SYNCRIP: variants seen among roughly 807,000 people sequenced by gnomAD.
The protein encoded by SYNCRIP is synaptotagmin binding cytoplasmic RNA interacting protein, also known as heterogeneous nuclear ribonucleoprotein Q.
Under a neutral mutation model 68.9 loss-of-function variants are expected in SYNCRIP, and 9 were observed. That is an observed-to-expected ratio of 0.13 (90% CI 0.08 to 0.23). The LOEUF is 0.23. SYNCRIP is among the 10% of genes least tolerant of loss of function. SYNCRIP has a pLI of 1.00. For synonymous variants in SYNCRIP, 258 were observed against 254.0 expected (o/e 1.02, Z -0.15); for missense variants, 414 against 770.6 (o/e 0.54, Z 5.48).
intron 6 of SYNCRIP, among the ~76,000 whole-genome samples, chr6:85,624,325 CTTGA>C (rs1806793457): frequency 6.6e-6 from 1 of 152,300 alleles, no homozygotes; most frequent in African/African-American, 2.4e-5. Flanking sequence ...AAATCCTTTA[CTTGA>C]TTAATTAGAA....
In SYNCRIP at chr6:85,631,569, TGGTACCTTAGACTAACTAG is replaced by T. The variant is rs1807795764; in HGVS notation, c.666+5379_666+5397del. Among the ~76,000 whole-genome samples, 3 of 152,288 alleles carry T rather than the reference TGGTACCTTAGACTAACTAG, an allele frequency of 2.0e-5. No homozygotes were observed. In the South Asian group the frequency reaches 6.2e-4, roughly 32 times the overall value. ...TCTTCAGTAGTCTGAATGGTACAAA[TGGTACCTTAGACTAACTAG>T]GGTAGTAGCAGCGAAGAAGATAAAA... On this transcript the variant is annotated intron_variant, in intron 6 of 10. Transcript: ENST00000369622.
chr6:85,613,472 C>CTTT (rs1156765320), downstream of SYNCRIP, among the ~76,000 whole-genome samples: 2 of 152,046 alleles, frequency 1.3e-5, no homozygotes, highest in African/African-American at 4.8e-5. Context: ...GCTGTTAAAC[C>CTTT]TTTTCACTGT....
chr6:85,637,466 C>A, intron 4 of SYNCRIP, 110 bp from the exon 5 acceptor site: 3 of 670,808 alleles, frequency 4.5e-6, no homozygotes, highest in East Asian at 2.8e-5. Context: ...TGGCATGTTC[C>A]CTTATAAAAA....
At chr6:85,623,583 A>AAAAAAAAAAAAAAAAC (rs1562087872) in intron 7 of SYNCRIP, among the ~76,000 whole-genome samples, 1 of 144,006 alleles carries the variant, frequency 6.9e-6, no homozygotes, top group African/African-American at 2.5e-5. Flanking sequence ...AAAAAAAAAA[A>AAAAAAAAAAAAAAAAC]CACTCTGCTA....
chr6:85,630,412 T>C (rs991047036), intron 6 of SYNCRIP, among the ~76,000 whole-genome samples: 1 of 152,228 alleles, frequency 6.6e-6, no homozygotes, highest in South Asian at 2.1e-4. Context: ...AGATTTCATC[T>C]ATTCCAATGC....
chr6:85,622,261 G>C (rs1806502921), intron 8 of SYNCRIP, among the ~76,000 whole-genome samples: 1 of 152,016 alleles, frequency 6.6e-6, no homozygotes, highest in African/African-American at 2.4e-5. Flanking sequence ...TGTAATTCCA[G>C]CTACTTGGGA....
chr6:85,636,644 T>G (rs1440029140), intron 6 of SYNCRIP, among the ~76,000 whole-genome samples: 1 of 152,150 alleles, frequency 6.6e-6, no homozygotes, highest in Non-Finnish European at 1.5e-5. Context: ...CCAGGAAGTA[T>G]GAGAGCTCTT....
chr6:85,642,390 G>C (rs574715495), intron 1 of SYNCRIP, among the ~76,000 whole-genome samples: 3 of 152,290 alleles, frequency 2.0e-5, no homozygotes, highest in African/African-American at 4.8e-5. Flanking sequence ...CCAGCAGCGT[G>C]AGGGCGTTCA....
chr6:85,632,936 G>A lies in SYNCRIP; in HGVS notation c.666+4031C>T, dbSNP rs554094583. Among the ~76,000 whole-genome samples, 177 of 150,406 alleles carry A rather than the reference G, an allele frequency of 1.2e-3. 1 individual carries two copies. The highest frequency in any genetic ancestry group is 4.0e-3 in the African/African-American group (162 of 40,886). ...GGCAACAGAGTGACAACCTGTCTCC[G>A]AAAACAGTAATAATAATTAAAACCG... is the stretch of plus-strand genomic sequence containing the variant. On this transcript the variant is annotated intron_variant, in intron 6 of 10. Coordinates refer to ENST00000369622, the MANE Select transcript of SYNCRIP (RefSeq NM_006372.5).
Position 85,618,802 on chromosome 6 carries a change from T to C in SYNCRIP, c.1280+16A>G, listed in dbSNP as rs769668676. The C allele has an allele frequency of 6.4e-7, 1 of 1,572,828 alleles. No homozygotes were observed. The highest frequency in any genetic ancestry group is 8.6e-7 in the Non-Finnish European group (1 of 1,157,298). On this transcript the variant is annotated intron_variant, in intron 10 of 10. Transcript: ENST00000369622. ...TTAAAATTTATACAATTTTTAAGTA[T>C]ACAAATTTCACTCACATTTGATTTT...
intron 10 of SYNCRIP, among the ~76,000 whole-genome samples, chr6:85,617,803 G>A (rs559625003): frequency 2.8e-4 from 42 of 152,192 alleles, no homozygotes; most frequent in Non-Finnish European, 5.4e-4. Context: ...AATTAACCTT[G>A]AATAGTATTG....
downstream of SYNCRIP, chr6:85,608,995 G>T (rs951725381): frequency 1.3e-5 from 2 of 152,028 alleles, no homozygotes; most frequent in African/African-American, 4.8e-5. Flanking sequence ...CTATTGAGTG[G>T]TATCATCACT....
intron 1 of SYNCRIP, among the ~76,000 whole-genome samples, chr6:85,641,668 GACTCACCTGCTAACACTCCCTAGGAAAA>G (rs1166817426): frequency 2.0e-5 from 3 of 152,128 alleles, no homozygotes; most frequent in Middle Eastern, 6.8e-3. Context: ...CACCACCCCT[GACTCACCTGCTAACACTCCCTAGGAAAA>G]ACCATATTAC....
chr6:85,630,238 T>A (rs753637495), intron 6 of SYNCRIP, among the ~76,000 whole-genome samples: 2 of 152,004 alleles, frequency 1.3e-5, no homozygotes, highest in Admixed American at 6.6e-5. Flanking sequence ...GGCAGGCGCC[T>A]GTAGTCCCAG....
intron 8 of SYNCRIP, among the ~76,000 whole-genome samples, chr6:85,621,292 TG>T (rs1371593173): frequency 4.6e-5 from 7 of 152,314 alleles, no homozygotes; most frequent in African/African-American, 1.7e-4. Flanking sequence ...ACACCTAACC[TG>T]TAAGTAACAA....
intron 8 of SYNCRIP, 27 bp downstream of exon 8, chr6:85,622,455 A>C: frequency 6.2e-7 from 1 of 1,609,684 alleles, no homozygotes; most frequent in Non-Finnish European, 8.5e-7. Context: ...ATCCCTCAAA[A>C]AATATTTTTA....
intron 6 of SYNCRIP, among the ~76,000 whole-genome samples, chr6:85,630,714 G>A (rs771763483): frequency 9.9e-5 from 15 of 152,128 alleles, no homozygotes; most frequent in Non-Finnish European, 1.9e-4. Context: ...TGGTCCATGA[G>A]TTACATAAGA....
intron 6 of SYNCRIP, among the ~76,000 whole-genome samples, chr6:85,629,995 A>G (rs1169524731): frequency 6.6e-6 from 1 of 151,618 alleles, no homozygotes; most frequent in Non-Finnish European, 1.5e-5. Context: ...AAAAAAAAAA[A>G]GCTGTATACA....
rs1805555409 is a variant in SYNCRIP, at chr6:85,614,652, G to A, written c.*104C>T. 1 of 1,426,490 alleles carries A rather than the reference G, an allele frequency of 7.0e-7. No homozygotes were observed. The highest frequency in any genetic ancestry group is 1.4e-5 in the African/African-American group (1 of 68,984). 88.4% of individuals were successfully genotyped at this position (1,426,490 alleles called of 1,614,324 possible). Reference sequence around the variant, plus strand: ...GGATTGTTAAAATATATACATAAAGGGAAATCTTGCCAGATGTCACAAATT... The same window carrying A: ...GGATTGTTAAAATATATACATAAAGAGAAATCTTGCCAGATGTCACAAATT... On this transcript the variant is annotated 3_prime_UTR_variant, in exon 11 of 11. Transcript: ENST00000369622.
Sources: allele counts gnomAD v4.1 joint callset (sites outside exome capture counted in the v4.1 genomes callset), GRCh38; gene constraint gnomAD v4.1.1; transcripts MANE v1.5; gene names NCBI Gene and HGNC (gene_info 2026-07-23, HGNC 2026-07-21).